PLCB1: variants seen among roughly 807,000 people sequenced by gnomAD.
PLCB1 encodes the protein 1-phosphatidylinositol 4,5-bisphosphate phosphodiesterase beta-1.
In PLCB1, 46 loss-of-function variants were observed where a neutral mutation model predicts 161.8. The observed-to-expected ratio is 0.28, with a 90% confidence interval of 0.22 to 0.36. The LOEUF (loss-of-function observed/expected upper bound fraction) is 0.36. Among genes scored for constraint, PLCB1 ranks in the 10% least tolerant of loss-of-function variants. The pLI is 1.00. For missense variants in PLCB1, 1,016 were observed against 1,472.5 expected (o/e 0.69, Z 5.07); for synonymous variants, 517 against 503.7 (o/e 1.03, Z -0.35).
chr20:8,230,314 G>C (rs6055677), intron 2 of PLCB1, among the ~76,000 whole-genome samples: 47,079 of 151,924 alleles, frequency 0.31, 10,319 homozygotes, highest in African/African-American at 0.63. Context: ...GGATACACCT[G>C]ATCTTTTGGT....
intron 2 of PLCB1, among the ~76,000 whole-genome samples, chr20:8,237,666 C>T (rs1397038280): frequency 6.6e-6 from 1 of 152,006 alleles, no homozygotes; most frequent in Non-Finnish European, 1.5e-5. Flanking sequence ...GGAGAAATCT[C>T]CATTTACTGG....
intron 3 of PLCB1, among the ~76,000 whole-genome samples, chr20:8,551,716 C>T (rs1378424289): frequency 6.6e-6 from 1 of 152,102 alleles, no homozygotes; most frequent in Non-Finnish European, 1.5e-5. Flanking sequence ...GTCCTGGTTC[C>T]CACAGTGGTA....
chr20:8,361,225 C>T (rs540874533), intron 2 of PLCB1, among the ~76,000 whole-genome samples: 15 of 152,316 alleles, frequency 9.8e-5, no homozygotes, highest in African/African-American at 3.6e-4. Flanking sequence ...ATTAGAGCTA[C>T]TGATAAGCAC....
chr20:8,163,173 A>C (rs2051642649), intron 2 of PLCB1, among the ~76,000 whole-genome samples: 1 of 152,232 alleles, frequency 6.6e-6, no homozygotes, highest in Admixed American at 6.5e-5. Flanking sequence ...GAAGACAGCC[A>C]TTAAAGGGTG....
Position 8,832,292 on chromosome 20 carries a change from TACTC to T in PLCB1, c.3423+42033_3423+42036del, listed in dbSNP as rs553939215. On this transcript the variant is annotated intron_variant, in intron 31 of 31. Coordinates refer to ENST00000338037, the MANE Select transcript of PLCB1 (RefSeq NM_015192.4). ...TTTAAATAGAATAGTTGTTTATACT[TACTC>T]AGGGAACTGGAGGGTTATATGGGAT... 3.5e-3 allele frequency among the ~76,000 whole-genome samples: 538 copies of T among 152,320 alleles called. 4 individuals are homozygous for T. The highest frequency in any genetic ancestry group is 0.012 in the African/African-American group (497 of 41,574).
intron 3 of PLCB1, among the ~76,000 whole-genome samples, chr20:8,554,307 T>G (rs1985875932): frequency 6.6e-6 from 1 of 152,124 alleles, no homozygotes; most frequent in African/African-American, 2.4e-5. Context: ...TGTAAAAGAA[T>G]GCTTATAGCC....
At chr20:8,237,124 T>C (rs1254592821) in intron 2 of PLCB1, among the ~76,000 whole-genome samples, 1 of 152,044 alleles carries the variant, frequency 6.6e-6, no homozygotes, top group African/African-American at 2.4e-5. Context: ...AATGTATTAT[T>C]CTAAGGAAAT....
intron 27 of PLCB1, among the ~76,000 whole-genome samples, chr20:8,776,150 A>C (rs923044225): frequency 2.0e-5 from 3 of 152,232 alleles, no homozygotes; most frequent in African/African-American, 7.2e-5. Flanking sequence ...CATATTAAGC[A>C]TTCACCATGG....
chr20:8,766,859 G>T (rs1467320966), intron 26 of PLCB1, among the ~76,000 whole-genome samples: 1 of 152,086 alleles, frequency 6.6e-6, no homozygotes, highest in Non-Finnish European at 1.5e-5. Context: ...GAGTAGTGAA[G>T]ATCAAGGACT....
chr20:8,294,458 C>T (rs1361799412), intron 2 of PLCB1, among the ~76,000 whole-genome samples: 2 of 151,824 alleles, frequency 1.3e-5, no homozygotes, highest in Non-Finnish European at 2.9e-5. Flanking sequence ...TATGTACACA[C>T]AATTTATATG....
chr20:8,716,863 C>T (rs1979344058), intron 13 of PLCB1, among the ~76,000 whole-genome samples: 1 of 152,172 alleles, frequency 6.6e-6, no homozygotes, highest in Non-Finnish European at 1.5e-5. Context: ...CCTAAAGTAG[C>T]ATTTTCCTTC....
At chr20:8,714,962 A>C (rs1979221987) in intron 12 of PLCB1, among the ~76,000 whole-genome samples, 1 of 152,028 alleles carries the variant, frequency 6.6e-6, no homozygotes, top group Non-Finnish European at 1.5e-5. Flanking sequence ...AAAAAAGCCC[A>C]TGATCCAGGC....
intron 3 of PLCB1, among the ~76,000 whole-genome samples, chr20:8,504,201 A>C (rs1462350770): frequency 6.6e-6 from 1 of 152,178 alleles, no homozygotes; most frequent in African/African-American, 2.4e-5. Context: ...TCTAAGGCCC[A>C]GTGACGGAGC....
intron 3 of PLCB1, among the ~76,000 whole-genome samples, chr20:8,526,589 C>T (rs987874287): frequency 6.6e-6 from 1 of 152,022 alleles, no homozygotes; most frequent in Non-Finnish European, 1.5e-5. Flanking sequence ...TCTTACTGTC[C>T]TCCAATATGG....
intron 2 of PLCB1, among the ~76,000 whole-genome samples, chr20:8,226,093 T>C (rs1004677739): frequency 6.6e-6 from 1 of 152,192 alleles, no homozygotes; most frequent in African/African-American, 2.4e-5. Flanking sequence ...TCTTATATTG[T>C]TTAATGTCAA....
chr20:8,833,347 A>G (rs1469405644), intron 31 of PLCB1, among the ~76,000 whole-genome samples: 1 of 152,190 alleles, frequency 6.6e-6, no homozygotes, highest in Non-Finnish European at 1.5e-5. Context: ...ATCAGATCTC[A>G]TGAGACTTAT....
intron 3 of PLCB1, among the ~76,000 whole-genome samples, chr20:8,548,248 CTT>C (rs1276308311): frequency 3.6e-4 from 42 of 116,996 alleles, no homozygotes; most frequent in African/African-American, 1.4e-3. Flanking sequence ...CCCTCTTCCT[CTT>C]TTTCACCCTT....
chr20:8,721,823 C>A (rs1979649243), intron 14 of PLCB1, among the ~76,000 whole-genome samples: 2 of 152,172 alleles, frequency 1.3e-5, no homozygotes, highest in South Asian at 4.1e-4. Context: ...ACTTCTTTGA[C>A]TTCTGCAAGG....
At chr20:8,840,735 A>G (rs867407499) in intron 31 of PLCB1, among the ~76,000 whole-genome samples, 2 of 152,162 alleles carry the variant, frequency 1.3e-5, no homozygotes, top group Non-Finnish European at 1.5e-5. Flanking sequence ...TTAAGACCGA[A>G]TCTCATCAAG....
Sources: gnomAD v4.1 joint callset for allele counts (sites outside exome capture counted in the v4.1 genomes callset) on GRCh38, gnomAD v4.1.1 for gene constraint, MANE v1.5 for transcripts, NCBI Gene and HGNC (gene_info 2026-07-23, HGNC 2026-07-21) for gene names.